CLPX: variants seen among roughly 807,000 people sequenced by gnomAD.
CLPX encodes caseinolytic mitochondrial matrix peptidase chaperone subunit X, also known as ATP-dependent clpX-like chaperone, mitochondrial.
In CLPX, 34 loss-of-function variants were observed where a neutral mutation model predicts 76.4. That is an observed-to-expected ratio of 0.45 (90% CI 0.34 to 0.59). The LOEUF (loss-of-function observed/expected upper bound fraction) is 0.59, where lower values mean the gene tolerates loss of function less well. CLPX is among the 20% of genes least tolerant of loss of function. CLPX has a pLI of 0.01. For missense variants in CLPX, 613 were observed against 757.0 expected (o/e 0.81, Z 2.23); for synonymous variants, 248 against 270.9 (o/e 0.92, Z 0.83).
At chr15:65,184,347 G>A (rs1380772940) in intron 1 of CLPX, 2 of 152,212 alleles carry the variant, frequency 1.3e-5, no homozygotes, top group Admixed American at 6.5e-5. Flanking sequence ...AACAACATGC[G>A]CCACTCTTAG....
rs771329378 is a variant in CLPX, at chr15:65,152,486, T to C, written c.1755A>G (p.Val585=). The C allele has an allele frequency of 2.6e-6, 4 of 1,562,146 alleles. No individual in the cohort carries two copies. Among genetic ancestry groups the C allele is most frequent in the Admixed American group, 3.7e-5 (2 of 53,426 alleles). The change falls in exon 13 of 14, where the codon GTA becomes GTG. Residue 585 remains valine, a synonymous_variant. Transcript: ENST00000300107. ...CTACTTCTTTGTCAACCTCCACACATACGATATCAGAATTAGGGACTTCAA... is the reference window on the plus strand; with the variant it reads ...CTACTTCTTTGTCAACCTCCACACACACGATATCAGAATTAGGGACTTCAA... ...PMFEVPNSDI[V]CVEVDKEVVE... is the part of the protein sequence containing the mutation.
chr15:65,182,005 C>G (rs1193120595), intron 1 of CLPX, among the ~76,000 whole-genome samples: 1 of 151,258 alleles, frequency 6.6e-6, no homozygotes, highest in Non-Finnish European at 1.5e-5. Flanking sequence ...CGCCTGTAGT[C>G]TCAGCTACCC....
intron 1 of CLPX, 38 bp downstream of exon 1, chr15:65,185,037 G>T: frequency 8.3e-7 from 1 of 1,205,592 alleles, no homozygotes; most frequent in Non-Finnish European, 1.1e-6. Flanking sequence ...CCCCCCCCCC[G>T]ACAGGCTGAG....
At chr15:65,172,210 G>A (rs138419062) in intron 3 of CLPX, among the ~76,000 whole-genome samples, 2,376 of 152,172 alleles carry the variant, frequency 0.016, 27 homozygotes, top group Non-Finnish European at 0.022. Context: ...TGATCCACCC[G>A]CCTTGGCCTT....
At chr15:65,175,984 G>A (rs976191981) in intron 3 of CLPX, among the ~76,000 whole-genome samples, 7 of 152,186 alleles carry the variant, frequency 4.6e-5, no homozygotes, top group African/African-American at 1.7e-4. Context: ...AGTGATGTCT[G>A]AATCAACACA....
At position 65,185,169 on chromosome 15, in the gene CLPX, G is replaced by T; in HGVS notation, c.-16C>A. On this transcript the variant is annotated 5_prime_UTR_variant, in exon 1 of 14. Transcript: ENST00000300107. ...AGCTGGGCATCTCCGCGAGGCCTAG[G>T]CCGGGGCTTCGCCCCCTGAGGACCT... The T allele has an allele frequency of 6.4e-7, 1 of 1,555,394 alleles. No homozygotes were observed. Among genetic ancestry groups the T allele is most frequent in the Non-Finnish European group, 8.7e-7 (1 of 1,148,886 alleles).
intron 6 of CLPX, 110 bp downstream of exon 6, chr15:65,162,494 T>C (rs774638113): frequency 1.5e-6 from 1 of 667,550 alleles, no homozygotes; most frequent in Non-Finnish European, 2.6e-6. Context: ...TCTTTCTTGG[T>C]AATACACAAG....
In CLPX at chr15:65,166,627, A is replaced by G. The variant is rs761991581; in HGVS notation, c.513+4T>C. The G allele has an allele frequency of 6.2e-6, 10 of 1,613,698 alleles. No individual in the cohort carries two copies. Among genetic ancestry groups the G allele is most frequent in the African/African-American group, 1.3e-5 (1 of 74,910 alleles). On this transcript the variant is annotated splice_donor_region_variant and intron_variant, in intron 4 of 13. Transcript: ENST00000300107. ...ACTTGTAAGACTGAGCTTAAGACTT[A>G]TACCTTCTTAGGGGGAGGTGGTGGT...
At chr15:65,154,530 G>A in intron 11 of CLPX, 2 of 404,220 alleles carry the variant, frequency 4.9e-6, no homozygotes, top group Admixed American at 8.2e-5. Context: ...TGGAGGTGTT[G>A]AGGTAAGCTA....
chr15:65,174,165 G>T (rs2088053866), intron 3 of CLPX, among the ~76,000 whole-genome samples: 2 of 152,080 alleles, frequency 1.3e-5, no homozygotes, highest in Admixed American at 6.6e-5. Flanking sequence ...ATTAGAGACG[G>T]GGTTTCACCG....
chr15:65,181,987 G>A (rs955232391), intron 1 of CLPX, among the ~76,000 whole-genome samples: 1 of 151,410 alleles, frequency 6.6e-6, no homozygotes, highest in Non-Finnish European at 1.5e-5. Context: ...GCTGGGCATG[G>A]TGACACGCGC....
chr15:65,173,145 G>A (rs566738696), intron 3 of CLPX, among the ~76,000 whole-genome samples: 16 of 152,300 alleles, frequency 1.1e-4, no homozygotes, highest in Non-Finnish European at 1.5e-4. Context: ...CGAGGCAGGA[G>A]GATCACCTGA....
chr15:65,179,150 C>T, intron 2 of CLPX, 99 bp from the exon 3 acceptor site: 2 of 621,340 alleles, frequency 3.2e-6, no homozygotes, highest in Non-Finnish European at 5.7e-6. Flanking sequence ...ATTTTATAAT[C>T]TTCTATATTT....
intron 9 of CLPX, among the ~76,000 whole-genome samples, chr15:65,156,338 T>C (rs925603745): frequency 2.0e-5 from 3 of 152,230 alleles, no homozygotes; most frequent in African/African-American, 7.2e-5. Context: ...CCTATGTCTC[T>C]GTCAAAAAGT....
chr15:65,180,270 T>G (rs2088147954), intron 1 of CLPX, 66 bp from the exon 2 acceptor site: 4 of 1,284,764 alleles, frequency 3.1e-6, no homozygotes, highest in Non-Finnish European at 4.3e-6. Flanking sequence ...GAAACAAAAA[T>G]TCCTTGAGCA....
chr15:65,151,860 A>C (rs1172011985), intron 13 of CLPX, among the ~76,000 whole-genome samples: 1 of 152,256 alleles, frequency 6.6e-6, no homozygotes, highest in Non-Finnish European at 1.5e-5. Context: ...AGCATTGCAT[A>C]GTAAACATTT....
chr15:65,168,748 TAAAA>T (rs906730191), intron 3 of CLPX, among the ~76,000 whole-genome samples: 2 of 147,386 alleles, frequency 1.4e-5, no homozygotes, highest in Non-Finnish European at 3.0e-5. Flanking sequence ...AAAGTATAAT[TAAAA>T]AAAAAACTTT....
chr15:65,162,536 T>A (rs2087866797), intron 6 of CLPX, 68 bp downstream of exon 6: 2 of 1,063,462 alleles, frequency 1.9e-6, no homozygotes, highest in Admixed American at 3.8e-5. Flanking sequence ...CTGTTACTGC[T>A]GAAACACTTC....
In CLPX at chr15:65,158,716, T is replaced by C. The variant is rs1451518396; in HGVS notation, c.751A>G (p.Asn251Asp). Reference protein sequence around the residue: ...LQIAGISPHGNALGASMQQQV... With the variant: ...LQIAGISPHGDALGASMQQQV... Reference sequence around the variant, plus strand: ...TGCTGCATTGATGCTCCTAAAGCATTACCATGTGGGCTAATTCCAGCAATC... The same window carrying C: ...TGCTGCATTGATGCTCCTAAAGCATCACCATGTGGGCTAATTCCAGCAATC... Residue 251 changes from asparagine (N) to aspartate (D), a missense_variant, in exon 7 of 14, where the codon AAT becomes GAT. Transcript: ENST00000300107. The C allele has an allele frequency of 6.2e-7, 1 of 1,608,608 alleles. No homozygotes were observed. The highest frequency in any genetic ancestry group is 1.7e-5 in the Admixed American group (1 of 59,228).
Sources: allele counts gnomAD v4.1 joint callset (sites outside exome capture counted in the v4.1 genomes callset), GRCh38; gene constraint gnomAD v4.1.1; transcripts MANE v1.5; gene names NCBI Gene and HGNC (gene_info 2026-07-23, HGNC 2026-07-21).